The following TERT variants were observed in gnomAD, a reference collection of about 807,000 sequenced individuals.
TERT encodes the protein telomerase catalytic subunit.
TERT carries 42 observed loss-of-function variants against 104.0 expected under a neutral mutation model. That is an observed-to-expected ratio of 0.40 (90% confidence interval 0.32 to 0.52). The LOEUF (loss-of-function observed/expected upper bound fraction) is 0.52, where lower values mean the gene tolerates loss of function less well. Among genes scored for constraint, TERT ranks in the 20% least tolerant of loss-of-function variants. The pLI is 0.43. For missense variants in TERT, 1,101 were observed against 1,610.3 expected (o/e 0.68, Z 5.41); for synonymous variants, 781 against 725.6 (o/e 1.08, Z -1.23).
At chr5:1,284,433 G>T in intron 2 of TERT, among the ~76,000 whole-genome samples, 1 of 146,926 alleles carries the variant, frequency 6.8e-6, no homozygotes, top group African/African-American at 2.5e-5. Flanking sequence ...CCAGCTCACA[G>T]CAGGGTCTGG....
chr5:1,294,247 G>A lies in TERT; in HGVS notation c.639C>T (p.Pro213=), dbSNP rs769691692. 3 of 1,590,014 alleles carry A rather than the reference G, an allele frequency of 1.9e-6. No homozygotes were observed. In the East Asian group the frequency reaches 6.8e-5, roughly 36 times the overall value. Residue 213 remains proline (P), a synonymous_variant, in exon 2 of 16, where the codon CCC becomes CCT. Transcript: ENST00000310581. ...TCGCACCCGGGGCTGGCAGGCCCAG[G>A]GGGACCCCGGCCTCCCTGACGCTAT... ...WNHSVREAGV[P]LGLPAPGARR...
In TERT at chr5:1,280,147, AG is replaced by A; in HGVS notation, c.1950+10del. 6.2e-7 allele frequency: 1 copy of A among 1,614,058 alleles called. No homozygotes were observed. The highest frequency in any genetic ancestry group is 8.5e-7 in the Non-Finnish European group (1 of 1,180,024). On this transcript the variant is annotated intron_variant, in intron 4 of 15. Transcript: ENST00000310581. ...CTGTTTAAAAAGGAAGTTAAACCAAAGCACAGCCACCCTCTTTTCTCTGCGG... is the reference window on the plus strand; with the variant it reads ...CTGTTTAAAAAGGAAGTTAAACCAAACACAGCCACCCTCTTTTCTCTGCGG...
At chr5:1,258,544 C>A in intron 13 of TERT, 54 bp downstream of exon 13, 1 of 1,507,712 alleles carries the variant, frequency 6.6e-7, no homozygotes, top group Admixed American at 2.0e-5. Context: ...CAGAGGTGAG[C>A]AGAGCGCGGA....
Position 1,272,158 on chromosome 5 carries a change from C to A in TERT, c.2382+27G>T, listed in dbSNP as rs200578375. 1.2e-4 allele frequency: 186 copies of A among 1,576,612 alleles called. No homozygotes were observed. In the African/African-American group the frequency reaches 1.7e-3, roughly 15 times the overall value. On this transcript the variant is annotated intron_variant, in intron 7 of 15. Transcript: ENST00000310581. Reference sequence around the variant, plus strand: ...GAGGACCCACTGCTGGGAGTCCGTGCCCAACCCTGCAGGGCAGTGCCCAGA... The same window carrying A: ...GAGGACCCACTGCTGGGAGTCCGTGACCAACCCTGCAGGGCAGTGCCCAGA...
chr5:1,289,705 C>T (rs202223722), intron 2 of TERT, among the ~76,000 whole-genome samples: 1 of 110,204 alleles, frequency 9.1e-6, no homozygotes, highest in African/African-American at 4.2e-5. Flanking sequence ...GACAGGGACA[C>T]CCGGGGACGG....
At position 1,257,470 on chromosome 5, in the gene TERT, C is replaced by T. The variant is rs921647724; in HGVS notation, c.3032+1128G>A. Among the ~76,000 whole-genome samples, 1 of 152,134 alleles carries T rather than the reference C, an allele frequency of 6.6e-6. No homozygotes were observed. Among genetic ancestry groups the T allele is most frequent in the African/African-American group, 2.4e-5 (1 of 41,424 alleles). ...TTCCGGAAAGGAGTCAAGCAGCTTGCACGAGGGCCCAGGCACGCGTCAGGG... is the reference window on the plus strand; with the variant it reads ...TTCCGGAAAGGAGTCAAGCAGCTTGTACGAGGGCCCAGGCACGCGTCAGGG... On this transcript the variant is annotated intron_variant, in intron 13 of 15. Transcript: ENST00000310581. The surrounding 1 kb of genome is among the most constrained non-coding windows in gnomAD (Gnocchi z 5.6).
intron 15 of TERT, among the ~76,000 whole-genome samples, 168 bp downstream of exon 15, chr5:1,254,200 G>C (rs1350420255): frequency 6.6e-6 from 1 of 152,180 alleles, no homozygotes; most frequent in African/African-American, 2.4e-5. Flanking sequence ...GTGGCCTGGG[G>C]ACACCAGCGT....
chr5:1,273,132 CCA>C lies in TERT; in HGVS notation c.2287-854_2287-853del, dbSNP rs1491460448. On this transcript the variant is annotated intron_variant, in intron 6 of 15. Transcript: ENST00000310581. Reference sequence around the variant, plus strand: ...ATCCACAGTCACCACACATCAGACCCCACGACCGCCATCCACAGTCACCACAT... The same window carrying C: ...ATCCACAGTCACCACACATCAGACCCCGACCGCCATCCACAGTCACCACAT... Among the ~76,000 whole-genome samples, 22 of 33,322 alleles carry C rather than the reference CCA, an allele frequency of 6.6e-4. 1 individual carries two copies. The highest frequency in any genetic ancestry group is 2.4e-3 in the South Asian group (1 of 420). The allele number at this position is 33,322 out of a possible 152,430, so 21.9% of individuals were successfully genotyped here. A position where few individuals can be genotyped will look rare whatever the true frequency, so the allele number is the denominator to read the frequency against.
intron 2 of TERT, chr5:1,282,846 C>A (rs1750131400): frequency 4.9e-6 from 3 of 606,572 alleles, no homozygotes; most frequent in Admixed American, 2.5e-5. Flanking sequence ...ATCCAGCTCA[C>A]CGAGGGCCTG....
chr5:1,278,980 G>A (rs763365398), intron 5 of TERT, among the ~76,000 whole-genome samples, 184 bp from the exon 6 acceptor site: 1 of 152,250 alleles, frequency 6.6e-6, no homozygotes, highest in African/African-American at 2.4e-5. Flanking sequence ...CCTGGCTCAG[G>A]ACTGGGGTGC....
Position 1,263,719 on chromosome 5 carries a change from C to T in TERT, c.2843+685G>A, listed in dbSNP as rs1348341978. On this transcript the variant is annotated intron_variant, in intron 11 of 15. Coordinates refer to ENST00000310581, the MANE Select transcript of TERT (RefSeq NM_198253.3). This position sits in a 1 kb window ranked among gnomAD's most constrained non-coding sequence, Gnocchi z 5.3. ...CCTTGCCCTGCCTGGAATGTTGATA[C>T]TTTTTATTCATAAAAGAAACAGCAC... Among the ~76,000 whole-genome samples the T allele has an allele frequency of 1.3e-5, 2 of 152,200 alleles. No individual in the cohort carries two copies. The highest frequency in any genetic ancestry group is 2.9e-5 in the Non-Finnish European group (2 of 68,042).
chr5:1,272,582 A>AC (rs1359228708), intron 6 of TERT, among the ~76,000 whole-genome samples: 4 of 45,702 alleles, frequency 8.8e-5, no homozygotes, highest in Admixed American at 4.0e-4. Context: ...ACCACATCAG[A>AC]CCCTACGACC....
At position 1,273,956 on chromosome 5, in the gene TERT, G is replaced by A. The variant is rs190654674; in HGVS notation, c.2287-1676C>T. The stretch of plus-strand genomic sequence containing the variant: ...ACAGGCAGGAGAAGAGTCTGAAGAC[G>A]CGGGAGAGAGACCGGCACCCCCACC... On this transcript the variant is annotated intron_variant, in intron 6 of 15. Transcript: ENST00000310581. Among the ~76,000 whole-genome samples, 19 of 152,338 alleles carry A rather than the reference G, an allele frequency of 1.2e-4. No homozygotes were observed. In the East Asian group the frequency reaches 2.5e-3, roughly 20 times the overall value.
rs769940639 is a variant in TERT, at chr5:1,262,187, A to G, written c.2844-1587T>C. Reference sequence around the variant, plus strand: ...GTTGTTTGCATGTGTCTCCTCTTCTACCTAGAATCTGCTCTGGTATATGCT... The same window carrying G: ...GTTGTTTGCATGTGTCTCCTCTTCTGCCTAGAATCTGCTCTGGTATATGCT... On this transcript the variant is annotated intron_variant, in intron 11 of 15. Transcript: ENST00000310581. This position sits in a 1 kb window ranked among gnomAD's most constrained non-coding sequence, Gnocchi z 5.6. 2.0e-5 allele frequency among the ~76,000 whole-genome samples: 3 copies of G among 152,000 alleles called. No homozygotes were observed. Among genetic ancestry groups the G allele is most frequent in the African/African-American group, 4.8e-5 (2 of 41,364 alleles).
chr5:1,260,419 C>G, intron 12 of TERT, 55 bp downstream of exon 12: 1 of 1,611,036 alleles, frequency 6.2e-7, no homozygotes, highest in Non-Finnish European at 8.5e-7. Flanking sequence ...CACACACATA[C>G]TTGCGCACAC....
intron 2 of TERT, among the ~76,000 whole-genome samples, chr5:1,289,248 GGAT>G: frequency 6.9e-6 from 1 of 145,242 alleles, no homozygotes; most frequent in African/African-American, 2.6e-5. Flanking sequence ...GGACACCCGG[GGAT>G]GGCGCCTCAC....
Position 1,294,376 on chromosome 5 carries a change from C to A in TERT, c.510G>T (p.Val170=). The A allele has an allele frequency of 6.3e-7, 1 of 1,578,964 alleles. No homozygotes were observed. The highest frequency in any genetic ancestry group is 8.5e-7 in the Non-Finnish European group (1 of 1,170,414). The change falls in exon 2 of 16, where the codon GTG becomes GTT. Residue 170 remains valine (V), a synonymous_variant. Transcript: ENST00000310581. ...CGAGCTGGTACAGCGGCGGCCCGCA[C>A]ACCTGGTAGGCGCAGCTGGGAGCCA... ...VLVAPSCAYQ[V]CGPPLYQLGA...
At position 1,257,642 on chromosome 5, in the gene TERT, T is replaced by C. The variant is rs1369711947; in HGVS notation, c.3032+956A>G. Among the ~76,000 whole-genome samples, 1 of 152,164 alleles carries C rather than the reference T, an allele frequency of 6.6e-6. No individual in the cohort carries two copies. The highest frequency in any genetic ancestry group is 2.4e-5 in the African/African-American group (1 of 41,454). On this transcript the variant is annotated intron_variant, in intron 13 of 15. Coordinates refer to ENST00000310581, the MANE Select transcript of TERT (RefSeq NM_198253.3). This position sits in a 1 kb window ranked among gnomAD's most constrained non-coding sequence, Gnocchi z 5.6. ...GTAACATGCAGCTGTGGCTCTGCCC[T>C]CCCTGCCAGAGCATGAAGGCGCAAG...
chr5:1,256,657 C>T lies in TERT; in HGVS notation c.3033-1246G>A, dbSNP rs955448449. ...CAAGCCAGCACCCCGGTTTCAGCCT[C>T]TCAGTAACTCTGCTGAGGTGGGATG... On this transcript the variant is annotated intron_variant, in intron 13 of 15. Coordinates refer to ENST00000310581, the MANE Select transcript of TERT (RefSeq NM_198253.3). This position sits in a 1 kb window ranked among gnomAD's most constrained non-coding sequence, Gnocchi z 7.0. 7.2e-5 allele frequency among the ~76,000 whole-genome samples: 11 copies of T among 152,216 alleles called. No homozygotes were observed. The highest frequency in any genetic ancestry group is 4.6e-4 in the Admixed American group (7 of 15,284).
Sources: allele counts gnomAD v4.1 joint callset (sites outside exome capture counted in the v4.1 genomes callset), GRCh38; gene constraint gnomAD v4.1.1; non-coding constraint Gnocchi (gnomAD v3.1); transcripts MANE v1.5; gene names NCBI Gene and HGNC (gene_info 2026-07-23, HGNC 2026-07-21).